The following DSCAML1 variants were observed in gnomAD, a reference collection of about 807,000 sequenced individuals.
DSCAML1 encodes the protein DS cell adhesion molecule like 1.
DSCAML1 carries 38 observed loss-of-function variants against 200.5 expected under a neutral mutation model. That is an observed-to-expected ratio of 0.19 (90% CI 0.15 to 0.25). The LOEUF (loss-of-function observed/expected upper bound fraction) is 0.25, where lower values mean the gene tolerates loss of function less well. Among genes scored for constraint, DSCAML1 ranks in the 10% least tolerant of loss-of-function variants. DSCAML1 has a pLI of 1.00. For synonymous variants in DSCAML1, 1,215 were observed against 1,165.0 expected (o/e 1.04, Z -0.87); for missense variants, 2,223 against 2,858.8 (o/e 0.78, Z 5.07).
In DSCAML1 at chr11:117,588,294, C is replaced by T. The variant is rs902157872; in HGVS notation, c.512-55772G>A. Among the ~76,000 whole-genome samples, 31 of 152,304 alleles carry T rather than the reference C, an allele frequency of 2.0e-4. 1 individual carries two copies. The highest frequency in any genetic ancestry group is 6.8e-3 in the Middle Eastern group (2 of 294). ...CCGTGCCCATGACTCCTCCATCACT[C>T]GCTAGTGCTGCAGCCTGGCCTTTCG... On this transcript the variant is annotated intron_variant, in intron 3 of 32. Transcript: ENST00000651296.
At chr11:117,582,602 G>T (rs1227041801) in intron 3 of DSCAML1, among the ~76,000 whole-genome samples, 1 of 152,230 alleles carries the variant, frequency 6.6e-6, no homozygotes, top group Non-Finnish European at 1.5e-5. Flanking sequence ...ACTCATGCTT[G>T]GATGGACAGT....
At chr11:117,485,810 C>G (rs2049036052) in intron 11 of DSCAML1, among the ~76,000 whole-genome samples, 2 of 152,156 alleles carry the variant, frequency 1.3e-5, no homozygotes, top group South Asian at 4.1e-4. Flanking sequence ...GTACTGAAAG[C>G]AAATGTCAGA....
At chr11:117,686,094 C>T (rs1482463445) in intron 3 of DSCAML1, among the ~76,000 whole-genome samples, 1 of 152,138 alleles carries the variant, frequency 6.6e-6, no homozygotes, top group Non-Finnish European at 1.5e-5. Flanking sequence ...TACCAGGTTC[C>T]CTCCCCACTA....
chr11:117,452,348 T>C (rs1384937418), intron 19 of DSCAML1, among the ~76,000 whole-genome samples: 1 of 152,244 alleles, frequency 6.6e-6, no homozygotes, highest in African/African-American at 2.4e-5. Flanking sequence ...ATTGAGTCTT[T>C]TATCAGAACA....
intron 3 of DSCAML1, among the ~76,000 whole-genome samples, chr11:117,756,782 G>T (rs1430816316): frequency 6.6e-6 from 1 of 152,006 alleles, no homozygotes; most frequent in African/African-American, 2.4e-5. Context: ...CAAGGAGGGG[G>T]TGATGGCCTC....
intron 3 of DSCAML1, among the ~76,000 whole-genome samples, chr11:117,545,554 C>T (rs962980781): frequency 8.5e-5 from 13 of 152,170 alleles, no homozygotes; most frequent in Non-Finnish European, 1.8e-4. Context: ...TCTGCAAAGA[C>T]ATGAAGATGG....
At chr11:117,574,937 T>C (rs1249711465) in intron 3 of DSCAML1, among the ~76,000 whole-genome samples, 2 of 152,076 alleles carry the variant, frequency 1.3e-5, no homozygotes, top group Non-Finnish European at 2.9e-5. Flanking sequence ...ACACCTGTAA[T>C]CCCAGCACTT....
At chr11:117,733,959 T>C (rs1014520798) in intron 3 of DSCAML1, among the ~76,000 whole-genome samples, 2 of 152,004 alleles carry the variant, frequency 1.3e-5, no homozygotes, top group Non-Finnish European at 2.9e-5. Context: ...AGCAGGCATA[T>C]TGTCTTTTGG....
intron 3 of DSCAML1, among the ~76,000 whole-genome samples, chr11:117,568,315 A>G (rs2050790148): frequency 6.6e-6 from 1 of 152,148 alleles, no homozygotes; most frequent in Non-Finnish European, 1.5e-5. Flanking sequence ...AACGGGCACA[A>G]GACAGGGATG....
Position 117,780,960 on chromosome 11 carries a change from C to G in DSCAML1, c.47-150G>C, listed in dbSNP as rs1452062568. Reference sequence around the variant, plus strand: ...CACTTATTGAGCACTGACTATACACCAGGCACTGGCAAAGGTGAATCAGAG... The same window carrying G: ...CACTTATTGAGCACTGACTATACACGAGGCACTGGCAAAGGTGAATCAGAG... On this transcript the variant is annotated intron_variant, in intron 1 of 32. Transcript: ENST00000651296. The surrounding 1 kb of genome is among the most constrained non-coding windows in gnomAD (Gnocchi z 4.8). 1 of 548,142 alleles carries G rather than the reference C, an allele frequency of 1.8e-6. No individual in the cohort carries two copies. Among genetic ancestry groups the G allele is most frequent in the Non-Finnish European group, 2.8e-6 (1 of 352,062 alleles). The allele number at this position is 548,142 out of a possible 1,614,324, so 34.0% of individuals were successfully genotyped here.
intron 8 of DSCAML1, among the ~76,000 whole-genome samples, chr11:117,511,208 GTGTT>G (rs1176032669): frequency 1.3e-5 from 2 of 152,152 alleles, no homozygotes; most frequent in African/African-American, 4.8e-5. Context: ...GGGAGAGAGG[GTGTT>G]TGTGTGTGGG....
intron 3 of DSCAML1, among the ~76,000 whole-genome samples, chr11:117,570,992 A>G (rs1329490326): frequency 6.6e-6 from 1 of 152,246 alleles, no homozygotes; most frequent in Non-Finnish European, 1.5e-5. Flanking sequence ...GGTAGATGCT[A>G]AGCTTTATAG....
chr11:117,735,648 C>T (rs1023961341), intron 3 of DSCAML1, among the ~76,000 whole-genome samples: 2 of 152,192 alleles, frequency 1.3e-5, no homozygotes, highest in African/African-American at 4.8e-5. Context: ...TGTGAGCCTG[C>T]GAGGACCTCA....
rs2052927790 is a variant in DSCAML1, at chr11:117,664,295, T to C, written c.511+112496A>G. ...CAATGACACTCTAAGGAGCGGTGGC[T>C]GCTGACAGGCTTTCTGAGCAGGTAT... On this transcript the variant is annotated intron_variant, in intron 3 of 32. Coordinates refer to ENST00000651296, the MANE Select transcript of DSCAML1 (RefSeq NM_020693.4). 1.3e-5 allele frequency among the ~76,000 whole-genome samples: 2 copies of C among 152,266 alleles called. 1 individual carries two copies. Among genetic ancestry groups the C allele is most frequent in the Admixed American group, 1.3e-4 (2 of 15,288 alleles).
chr11:117,559,625 C>T (rs1416533920), intron 3 of DSCAML1, among the ~76,000 whole-genome samples: 2 of 152,120 alleles, frequency 1.3e-5, no homozygotes, highest in East Asian at 1.9e-4. Context: ...CTTTTATCCC[C>T]CCTCTCGTTG....
intron 5 of DSCAML1, 115 bp downstream of exon 5, chr11:117,524,690 G>A: frequency 7.6e-7 from 1 of 1,317,114 alleles, no homozygotes; most frequent in East Asian, 2.6e-5. Flanking sequence ...AGTCAGCCAG[G>A]GTTATTCCCA....
At chr11:117,604,555 G>A (rs992571241) in intron 3 of DSCAML1, among the ~76,000 whole-genome samples, 4 of 152,204 alleles carry the variant, frequency 2.6e-5, no homozygotes, top group Admixed American at 1.3e-4. Context: ...TCTCTCGGCC[G>A]GCAGAGCTGT....
At chr11:117,589,854 G>GC (rs1165017153) in intron 3 of DSCAML1, among the ~76,000 whole-genome samples, 1 of 152,190 alleles carries the variant, frequency 6.6e-6, no homozygotes, top group Non-Finnish European at 1.5e-5. Context: ...GGCATAGATA[G>GC]CCCCATGGTA....
At chr11:117,760,589 G>T (rs753837729) in intron 3 of DSCAML1, among the ~76,000 whole-genome samples, 1 of 152,210 alleles carries the variant, frequency 6.6e-6, no homozygotes, top group Non-Finnish European at 1.5e-5. Flanking sequence ...TTCATTGTGT[G>T]AGTATAACAT....
Sources: allele counts gnomAD v4.1 joint callset (sites outside exome capture counted in the v4.1 genomes callset), GRCh38; gene constraint gnomAD v4.1.1; non-coding constraint Gnocchi (gnomAD v3.1); transcripts MANE v1.5; gene names NCBI Gene and HGNC (gene_info 2026-07-23, HGNC 2026-07-21).